TRPM4: variants seen among roughly 807,000 people sequenced by gnomAD.
TRPM4 encodes the protein transient receptor potential cation channel subfamily M member 4, also known as calcium-activated non-selective cation channel 1.
A neutral mutation model predicts 135.6 loss-of-function variants in TRPM4; 124 were observed. That is an observed-to-expected ratio of 0.91 (90% CI 0.79 to 1.06). TRPM4 has a LOEUF of 1.06. Among genes scored for constraint, TRPM4 ranks in the 50% least tolerant of loss-of-function variants. The pLI is 0.00. For synonymous variants in TRPM4, 745 were observed against 705.6 expected (o/e 1.06, Z -0.88); for missense variants, 1,658 against 1,671.4 (o/e 0.99, Z 0.14).
At chr19:49,169,307 T>C (rs2122815933) in intron 6 of TRPM4, among the ~76,000 whole-genome samples, 1 of 147,024 alleles carries the variant, frequency 6.8e-6, no homozygotes, top group Middle Eastern at 3.5e-3. Flanking sequence ...AGTTTTGCCC[T>C]GTTGCCCAGG....
rs111377877 is a variant in TRPM4, at chr19:49,211,576, C to A, written c.*78C>A. 38 of 1,582,360 alleles carry A rather than the reference C, an allele frequency of 2.4e-5. No homozygotes were observed. In the African/African-American group the frequency reaches 3.6e-4, roughly 15 times the overall value. ...AGTAAGGCTCATCTGGGCCTCGGCC[C>A]CCGCACCTGGTGGCCTTGTCCTTGA... On this transcript the variant is annotated 3_prime_UTR_variant, in exon 25 of 25. Coordinates refer to ENST00000252826, the MANE Select transcript of TRPM4 (RefSeq NM_017636.4). This position sits in a 1 kb window ranked among gnomAD's most constrained non-coding sequence, Gnocchi z 4.8.
rs149012335 is a variant in TRPM4 at position 49,190,843 on chromosome 19, C to G, written c.2210+70C>G. On this transcript the variant is annotated intron_variant, in intron 16 of 24. Coordinates refer to ENST00000252826, the MANE Select transcript of TRPM4 (RefSeq NM_017636.4). ...CAGTTCAGGACATGTGCCAGTTCCA[C>G]GTTGTGTTAGTCCCCTCTTGAGTTG... 3.2e-5 allele frequency: 45 copies of G among 1,402,904 alleles called. No homozygotes were observed. In the South Asian group the frequency reaches 4.9e-4, roughly 15 times the overall value. The allele number at this position is 1,402,904 out of a possible 1,614,324, so 86.9% of individuals were successfully genotyped here.
intron 10 of TRPM4, among the ~76,000 whole-genome samples, chr19:49,181,720 G>A (rs1967934824): frequency 6.6e-6 from 1 of 151,744 alleles, no homozygotes; most frequent in South Asian, 2.1e-4. Flanking sequence ...TTTTAGTAGA[G>A]ACGGGGTTTC....
intron 16 of TRPM4, 69 bp downstream of exon 16, chr19:49,190,842 A>T (rs1968386713): frequency 7.1e-7 from 1 of 1,407,930 alleles, no homozygotes; most frequent in Admixed American, 1.7e-5. Context: ...TGCCAGTTCC[A>T]CGTTGTGTTA....
rs1969314777 is a variant in TRPM4 at position 49,210,503 on chromosome 19, G to A, written c.3328+98G>A. On this transcript the variant is annotated intron_variant, in intron 21 of 24. Coordinates refer to ENST00000252826, the MANE Select transcript of TRPM4 (RefSeq NM_017636.4). This position sits in a 1 kb window ranked among gnomAD's most constrained non-coding sequence, Gnocchi z 4.1. ...ATGCCCCAAATGACTAACGGGCGTG[G>A]CTTAGGTAGCGAGGGGCGGGGTTTA... 6.0e-6 allele frequency: 9 copies of A among 1,496,468 alleles called. No individual in the cohort carries two copies. In the Admixed American group the frequency reaches 1.1e-4, roughly 18 times the overall value. 92.7% of individuals were successfully genotyped at this position (1,496,468 alleles called of 1,614,324 possible). A position where few individuals can be genotyped will look rare whatever the true frequency, so the allele number is the denominator to read the frequency against.
chr19:49,166,111 G>A lies in TRPM4; in HGVS notation c.163G>A (p.Ala55Thr). ...AGTGGCCATGGAGGATGCCTTCGGG[G>A]CAGCCGTGGTGACCGTGTGGGACAG... is the stretch of plus-strand genomic sequence containing the variant. Reference protein sequence around the residue: ...PAVAMEDAFGAAVVTVWDSDA... With the variant: ...PAVAMEDAFGTAVVTVWDSDA... The change falls in exon 3 of 25, where the codon GCA becomes ACA. Residue 55 changes from alanine to threonine, a missense_variant. Ala to Thr is a moderately conservative substitution (Grantham distance 58, BLOSUM62 0). Transcript: ENST00000252826. 6.2e-7 allele frequency: 1 copy of A among 1,603,286 alleles called. No homozygotes were observed. The highest frequency in any genetic ancestry group is 1.3e-5 in the African/African-American group (1 of 74,954).
At chr19:49,163,069 T>G (rs533580186) in intron 2 of TRPM4, among the ~76,000 whole-genome samples, 35 of 151,792 alleles carry the variant, frequency 2.3e-4, no homozygotes, top group African/African-American at 8.5e-4. Flanking sequence ...ACCTGAATTT[T>G]TTATTTGATT....
chr19:49,196,760 G>A lies in TRPM4; in HGVS notation c.2531G>A (p.Gly844Asp), dbSNP rs200038418. The A allele has an allele frequency of 1.4e-3, 2,200 of 1,551,218 alleles. 1 individual carries two copies. Among genetic ancestry groups the A allele is most frequent in the Admixed American group, 3.1e-3 (164 of 52,852 alleles). ...GGCGGGGGCAGCCTCGCCAGCGGGG[G>A]CCCCGGGCCTGGCCATGCCTCACTG... ...SGGGGSLASG[G>D]PGPGHASLSQ... Residue 844 changes from glycine (G) to aspartate (D), a missense_variant, in exon 17 of 25, where the codon GGC becomes GAC. Coordinates refer to ENST00000252826, the MANE Select transcript of TRPM4 (RefSeq NM_017636.4).
chr19:49,197,348 C>CT (rs1243876199), intron 17 of TRPM4, among the ~76,000 whole-genome samples: 4 of 116,136 alleles, frequency 3.4e-5, no homozygotes, highest in African/African-American at 1.7e-4. Context: ...TTCTTTCTTT[C>CT]TTTCTTTCTT....
intron 2 of TRPM4, among the ~76,000 whole-genome samples, chr19:49,163,281 C>T (rs762723493): frequency 4.6e-5 from 7 of 151,494 alleles, no homozygotes; most frequent in Non-Finnish European, 7.4e-5. Flanking sequence ...TCACAACCTC[C>T]GTCTCCCAGG....
chr19:49,164,519 C>G (rs1271023201), intron 2 of TRPM4, among the ~76,000 whole-genome samples: 1 of 151,082 alleles, frequency 6.6e-6, no homozygotes, highest in Non-Finnish European at 1.5e-5. Context: ...GCTGGGATTA[C>G]AGGCACCCGC....
intron 20 of TRPM4, among the ~76,000 whole-genome samples, chr19:49,203,780 A>T (rs942278015): frequency 4.6e-5 from 7 of 152,200 alleles, no homozygotes; most frequent in African/African-American, 1.7e-4. Flanking sequence ...TGTAGTGTGC[A>T]TCAGAACTTC....
Position 49,157,796 on chromosome 19 carries a change from G to A in TRPM4, c.-71G>A, listed in dbSNP as rs1304701961. The A allele has an allele frequency of 1.3e-6, 2 of 1,531,036 alleles. No individual in the cohort carries two copies. The highest frequency in any genetic ancestry group is 1.2e-5 in the South Asian group (1 of 83,798). 94.8% of individuals were successfully genotyped at this position (1,531,036 alleles called of 1,614,324 possible). ...GGAGGATCCGGTTTGCTCTGGGCGG[G>A]TCTGGAAGCAGAGCCGGCGGAGGGA... On this transcript the variant is annotated 5_prime_UTR_variant, in exon 1 of 25. Transcript: ENST00000252826.
Position 49,210,826 on chromosome 19 carries a change from AAGCG to A in TRPM4, c.3446_3449del (p.Lys1149ThrfsTer10), listed in dbSNP as rs746285440. 2 of 1,612,194 alleles carry A rather than the reference AAGCG, an allele frequency of 1.2e-6. No homozygotes were observed. Among genetic ancestry groups the A allele is most frequent in the East Asian group, 4.5e-5 (2 of 44,822 alleles). On this transcript the variant is annotated frameshift_variant, in exon 22 of 25. Transcript: ENST00000252826. LOFTEE classifies it high-confidence loss of function. This position sits in a 1 kb window ranked among gnomAD's most constrained non-coding sequence, Gnocchi z 4.1. ...GCGGGAGAGCGACTCCGAGCGTCTG[AAGCG>A]CACGTCCCAGAAGTGAGAGCGGGGC...
Position 49,171,924 on chromosome 19 carries a change from A to T in TRPM4, c.1051-85A>T. ...ATAGACTATTAGGTCCTGGAGGGGA[A>T]TGGCCTCCTCCATCCCTTTGGACAG... On this transcript the variant is annotated intron_variant, in intron 8 of 24. Transcript: ENST00000252826. This position sits in a 1 kb window ranked among gnomAD's most constrained non-coding sequence, Gnocchi z 4.7. The T allele has an allele frequency of 7.2e-7, 1 of 1,380,090 alleles. No homozygotes were observed. Among genetic ancestry groups the T allele is most frequent in the Non-Finnish European group, 1.0e-6 (1 of 968,830 alleles). The allele number at this position is 1,380,090 out of a possible 1,614,324, so 85.5% of individuals were successfully genotyped here. A position where few individuals can be genotyped will look rare whatever the true frequency, so the allele number is the denominator to read the frequency against.
intron 6 of TRPM4, among the ~76,000 whole-genome samples, chr19:49,170,027 A>G (rs956693704): frequency 1.3e-5 from 2 of 152,160 alleles, no homozygotes; most frequent in African/African-American, 2.4e-5. Flanking sequence ...AATACAAGCC[A>G]TGTTTTCTTC....
intron 2 of TRPM4, among the ~76,000 whole-genome samples, chr19:49,161,635 C>T (rs1466595855): frequency 1.4e-5 from 2 of 145,602 alleles, no homozygotes; most frequent in African/African-American, 2.5e-5. Flanking sequence ...CCGGCTACCT[C>T]TTTTTTTTTT....
At chr19:49,162,229 TTGA>T (rs1966991986) in intron 2 of TRPM4, among the ~76,000 whole-genome samples, 1 of 151,946 alleles carries the variant, frequency 6.6e-6, no homozygotes, top group South Asian at 2.1e-4. Flanking sequence ...AGGCAGGAAA[TTGA>T]TGATTTTTAT....
intron 17 of TRPM4, among the ~76,000 whole-genome samples, chr19:49,197,278 TTTTTTCTTTCTTTCTTTCTCTTTCTTTC>T (rs1968691953): frequency 6.9e-6 from 1 of 145,882 alleles, no homozygotes; most frequent in South Asian, 2.3e-4. Flanking sequence ...TCTTTCCTTT[TTTTTTCTTTCTTTCTTTCTCTTTCTTTC>T]TTTTTCTTTC....
Sources: allele counts gnomAD v4.1 joint callset (sites outside exome capture counted in the v4.1 genomes callset), GRCh38; gene constraint gnomAD v4.1.1; non-coding constraint Gnocchi (gnomAD v3.1); transcripts MANE v1.5; gene names NCBI Gene and HGNC (gene_info 2026-07-23, HGNC 2026-07-21).